The following MARCHF7 variants were observed in gnomAD, a reference collection of about 807,000 sequenced individuals.
MARCHF7 encodes membrane associated ring-CH-type finger 7, also known as E3 ubiquitin-protein ligase MARCHF7.
A neutral mutation model predicts 76.5 loss-of-function variants in MARCHF7; 20 were observed. The ratio of observed to expected loss-of-function variants is 0.26; its 90% confidence interval spans 0.18 to 0.38. The LOEUF (loss-of-function observed/expected upper bound fraction) is 0.38, where lower values mean the gene tolerates loss of function less well. Ranked by LOEUF, MARCHF7 falls within the 10% of genes least tolerant of loss-of-function variation. MARCHF7 has a pLI of 1.00. For missense variants in MARCHF7, 797 were observed against 812.9 expected, an observed-to-expected ratio of 0.98 and a Z score of 0.24; for synonymous variants, 295 against 293.0, an observed-to-expected ratio of 1.01 and a Z score of -0.07.
intron 9 of MARCHF7, among the ~76,000 whole-genome samples, chr2:159,761,391 TTA>T (rs1707052859): frequency 2.0e-5 from 3 of 148,014 alleles, no homozygotes; most frequent in African/African-American, 5.0e-5. Context: ...ACAATAATTA[TTA>T]AGTGAATCAT....
Position 159,750,250 on chromosome 2 carries a change from G to T in MARCHF7, c.1613+1347G>T, listed in dbSNP as rs538930654. 1.8e-4 allele frequency among the ~76,000 whole-genome samples: 27 copies of T among 152,198 alleles called. 1 individual carries two copies. The highest frequency in any genetic ancestry group is 1.8e-3 in the Admixed American group (27 of 15,278). On this transcript the variant is annotated intron_variant, in intron 7 of 11. Transcript: ENST00000409175. ...TTTAACAGAGATACCAGTTTAGGCC[G>T]GGCGCAGTGGTTCACGCTGTAATCC...
chr2:159,717,865 TTAATA>T (rs1701211905), intron 3 of MARCHF7, among the ~76,000 whole-genome samples: 1 of 152,212 alleles, frequency 6.6e-6, no homozygotes, highest in African/African-American at 2.4e-5. Context: ...ATGCATATAC[TTAATA>T]TAAGTAATCT....
intron 2 of MARCHF7, among the ~76,000 whole-genome samples, chr2:159,714,963 GAGAGCT>G (rs1476743899): frequency 6.6e-6 from 1 of 152,178 alleles, no homozygotes; most frequent in East Asian, 1.9e-4. Flanking sequence ...CTGCGGAATG[GAGAGCT>G]ATTGTGTTCC....
intron 11 of MARCHF7, 132 bp downstream of exon 11, chr2:159,764,806 G>C: frequency 2.1e-6 from 1 of 485,850 alleles, no homozygotes; most frequent in Non-Finnish European, 3.6e-6. Context: ...CAAAATGATT[G>C]ATTTGGGAAA....
rs1176139165 is a variant in MARCHF7, at chr2:159,770,989, A to G, written c.*3647A>G. Reference sequence around the variant, plus strand: ...CAAATGATTTTCACCTTTTTCTTAAAATGTACAATAAATGCACTGAAAACT... The same window carrying G: ...CAAATGATTTTCACCTTTTTCTTAAGATGTACAATAAATGCACTGAAAACT... On this transcript the variant is annotated 3_prime_UTR_variant, in exon 12 of 12. Coordinates refer to ENST00000409175, the MANE Select transcript of MARCHF7 (RefSeq NM_001282805.2). 6.6e-6 allele frequency: 1 copy of G among 152,148 alleles called. No individual in the cohort carries two copies. The highest frequency in any genetic ancestry group is 2.4e-5 in the African/African-American group (1 of 41,428). 9.4% of individuals were successfully genotyped at this position (152,148 alleles called of 1,614,324 possible).
At position 159,767,986 on chromosome 2, in the gene MARCHF7, T is replaced by G. The variant is rs1203685027; in HGVS notation, c.*644T>G. The G allele has an allele frequency of 6.6e-6, 1 of 152,564 alleles. No homozygotes were observed. The highest frequency in any genetic ancestry group is 2.4e-5 in the African/African-American group (1 of 41,468). The allele number at this position is 152,564 out of a possible 1,614,324, so 9.5% of individuals were successfully genotyped here. On this transcript the variant is annotated 3_prime_UTR_variant, in exon 12 of 12. Coordinates refer to ENST00000409175, the MANE Select transcript of MARCHF7 (RefSeq NM_001282805.2). Reference sequence around the variant, plus strand: ...ATAAATGATGGATAGATTTTTGTATTGATTTGCAAAATGCAGATTATATTT... The same window carrying G: ...ATAAATGATGGATAGATTTTTGTATGGATTTGCAAAATGCAGATTATATTT...
At chr2:159,759,925 G>A (rs530979847) in intron 9 of MARCHF7, among the ~76,000 whole-genome samples, 28 of 151,262 alleles carry the variant, frequency 1.9e-4, no homozygotes, top group East Asian at 1.9e-4. Flanking sequence ...AGCAAGACCC[G>A]GTCTCTACAA....
At chr2:159,728,314 A>G (rs536684629) in intron 3 of MARCHF7, among the ~76,000 whole-genome samples, 3 of 152,374 alleles carry the variant, frequency 2.0e-5, no homozygotes, top group African/African-American at 7.2e-5. Context: ...TTTTGTTATA[A>G]TTAAGAGATC....
chr2:159,732,583 ACT>A (rs1404184762), intron 4 of MARCHF7, among the ~76,000 whole-genome samples: 2 of 152,064 alleles, frequency 1.3e-5, no homozygotes, highest in African/African-American at 2.4e-5. Context: ...AGCAATCATG[ACT>A]CGGCGCAGCC....
intron 3 of MARCHF7, among the ~76,000 whole-genome samples, chr2:159,723,002 T>C (rs1335616431): frequency 3.9e-5 from 6 of 152,240 alleles, no homozygotes; most frequent in Admixed American, 3.3e-4. Flanking sequence ...ATTGTTGTTA[T>C]AGAACTTAAT....
At chr2:159,720,477 A>T (rs1701514765) in intron 3 of MARCHF7, among the ~76,000 whole-genome samples, 5 of 152,116 alleles carry the variant, frequency 3.3e-5, no homozygotes. Flanking sequence ...TGTATTTTTC[A>T]AGCTTCTCTT....
intron 4 of MARCHF7, among the ~76,000 whole-genome samples, chr2:159,736,086 C>T (rs1703420891): frequency 6.6e-6 from 1 of 152,188 alleles, no homozygotes; most frequent in Non-Finnish European, 1.5e-5. Context: ...ATGATGGCAC[C>T]ACTTCACTAC....
At position 159,726,293 on chromosome 2, in the gene MARCHF7, C is replaced by T. The variant is rs115788591; in HGVS notation, c.-14-2716C>T. 8.1e-3 allele frequency among the ~76,000 whole-genome samples: 1,231 copies of T among 151,784 alleles called. 15 individuals are homozygous for T. The highest frequency in any genetic ancestry group is 0.027 in the African/African-American group (1,136 of 41,334). ...TGTTTTGTTTTTTGATACCGAGTCT[C>T]GCTCTTGCACCCAGGCCAGAGTGCA... On this transcript the variant is annotated intron_variant, in intron 3 of 11. Transcript: ENST00000409175.
Position 159,743,257 on chromosome 2 carries a change from A to G in MARCHF7, c.346+4A>G. On this transcript the variant is annotated splice_donor_region_variant and intron_variant, in intron 5 of 11. Transcript: ENST00000409175. ...AATGGTTTAAACACATTATCAGGTAAGAATGAGTTTCTGTAGGTATTTTAA... is the reference window on the plus strand; with the variant it reads ...AATGGTTTAAACACATTATCAGGTAGGAATGAGTTTCTGTAGGTATTTTAA... The G allele has an allele frequency of 6.2e-7, 1 of 1,609,890 alleles. No individual in the cohort carries two copies. The highest frequency in any genetic ancestry group is 8.5e-7 in the Non-Finnish European group (1 of 1,177,320).
chr2:159,715,105 G>A (rs1434631868), intron 2 of MARCHF7, among the ~76,000 whole-genome samples: 2 of 152,162 alleles, frequency 1.3e-5, no homozygotes, highest in Admixed American at 1.3e-4. Context: ...CGTTGCATTA[G>A]ACTTTACTTT....
intron 4 of MARCHF7, among the ~76,000 whole-genome samples, chr2:159,735,454 A>G (rs143421145): frequency 6.0e-4 from 91 of 152,336 alleles, no homozygotes; most frequent in African/African-American, 2.1e-3. Flanking sequence ...CTGCACAACC[A>G]TTATGGTTAT....
At chr2:159,719,093 A>G (rs1312868841) in intron 3 of MARCHF7, among the ~76,000 whole-genome samples, 1 of 152,112 alleles carries the variant, frequency 6.6e-6, no homozygotes, top group African/African-American at 2.4e-5. Flanking sequence ...CTCCTACCTC[A>G]GTTTCCGAGT....
intron 5 of MARCHF7, among the ~76,000 whole-genome samples, chr2:159,743,586 T>A (rs1197214643): frequency 6.6e-6 from 1 of 152,206 alleles, no homozygotes; most frequent in African/African-American, 2.4e-5. Flanking sequence ...CTGATATGTT[T>A]AAAATATTGC....
intron 4 of MARCHF7, among the ~76,000 whole-genome samples, chr2:159,741,823 ATTACT>A (rs1704159706): frequency 6.6e-6 from 1 of 152,220 alleles, no homozygotes; most frequent in Non-Finnish European, 1.5e-5. Context: ...ATCCTGAAAA[ATTACT>A]TTTATTTTAG....
Sources: gnomAD v4.1 joint callset for allele counts (sites outside exome capture counted in the v4.1 genomes callset) on GRCh38, gnomAD v4.1.1 for gene constraint, MANE v1.5 for transcripts, NCBI Gene and HGNC (gene_info 2026-07-23, HGNC 2026-07-21) for gene names.